Variants in PLEC observed in about 807,000 individuals in gnomAD.
The protein encoded by PLEC is plectin.
Under a neutral mutation model 392.8 loss-of-function variants are expected in PLEC, and 216 were observed. That is an observed-to-expected ratio of 0.55 (90% CI 0.49 to 0.62). The LOEUF is 0.62. Among genes scored for constraint, PLEC ranks in the 20% least tolerant of loss-of-function variants. The probability of loss-of-function intolerance (pLI) is 0.00; values close to 1 mark genes in which losing one functional copy is unlikely to be tolerated. For synonymous variants in PLEC, 3,621 were observed against 2,980.6 expected, an observed-to-expected ratio of 1.21 and a Z score of -7.00; for missense variants, 6,863 against 6,563.4, an observed-to-expected ratio of 1.05 and a Z score of -1.58.
At chr8:143,943,775 T>C, upstream of PLEC, 2 of 1,610,808 alleles carry the variant, frequency 1.2e-6, no homozygotes, top group Non-Finnish European at 1.7e-6. Flanking sequence ...CCAGCGGGGC[T>C]TACCTTGCTC....
In PLEC at chr8:143,916,390, G is replaced by A. The variant is rs1820559697; in HGVS notation, c.13431C>T (p.Pro4477=). 1 of 1,611,040 alleles carries A rather than the reference G, an allele frequency of 6.2e-7. No homozygotes were observed. The change falls in exon 32 of 32, where the codon CCC becomes CCT. Residue 4477 remains proline (P), a synonymous_variant. Transcript: ENST00000345136. ...TAGAGCCGGAGCCGCTGACGCTGTA[G>A]GGGCTGTAGTAGCCCTTGGTGGACT... ...AAQSTKGYYS[P]YSVSGSGSTA...
chr8:143,937,687 GC>G, intron 3 of PLEC: 1 of 488,644 alleles, frequency 2.0e-6, no homozygotes, highest in South Asian at 1.5e-5. Flanking sequence ...CCCCCAGAAA[GC>G]CGGGCTCCAC....
rs531396914 is a variant in PLEC at position 143,922,083 on chromosome 8, G to A, written c.7738C>T (p.Arg2580Trp). 3.9e-5 allele frequency: 62 copies of A among 1,574,090 alleles called. No homozygotes were observed. Among genetic ancestry groups the A allele is most frequent in the Non-Finnish European group, 4.7e-5 (55 of 1,167,706 alleles). The change falls in exon 32 of 32, where the codon CGG becomes TGG. Residue 2580 changes from arginine to tryptophan, a missense_variant. Arg to Trp is a moderately radical substitution (Grantham distance 101). Coordinates refer to ENST00000345136, the MANE Select transcript of PLEC (RefSeq NM_201384.3). ...QEELQQLEQQ[R>W]RQQEELLAEE... ...GCCAGCAGCTCCTCCTGCTGCCGCC[G>A]CTGCTGCTCCAGCTGCTGCAGCTCC...
upstream of PLEC, chr8:143,953,922 C>T: frequency 1.4e-6 from 2 of 1,443,424 alleles, no homozygotes; most frequent in Non-Finnish European, 1.8e-6. Flanking sequence ...CTGATCAATG[C>T]GCCGGACAGG....
At chr8:143,937,477 G>T (rs1054597364) in intron 3 of PLEC, among the ~76,000 whole-genome samples, 1 of 152,182 alleles carries the variant, frequency 6.6e-6, no homozygotes, top group Non-Finnish European at 1.5e-5. Flanking sequence ...GGAAGGAAGG[G>T]GTGGGAGGAG....
In PLEC at chr8:143,918,706, G is replaced by A. The variant is rs898215109; in HGVS notation, c.11115C>T (p.Ser3705=). 6.2e-7 allele frequency: 1 copy of A among 1,612,960 alleles called. No individual in the cohort carries two copies. Among genetic ancestry groups the A allele is most frequent in the Non-Finnish European group, 8.5e-7 (1 of 1,179,976 alleles). The part of the protein sequence containing the change: ...VYLPGSRQTL[S]IYQALKKGLL... ...GCCCTTTCTTGAGAGCCTGGTAGAT[G>A]CTCAGTGTCTGCCTGGAACCGGGCA... Residue 3705 remains serine (S), a synonymous_variant, in exon 32 of 32, where the codon AGC becomes AGT. Transcript: ENST00000345136.
At position 143,925,627 on chromosome 8, in the gene PLEC, C is replaced by G. The variant is rs1824836352; in HGVS notation, c.4302G>C (p.Gln1434His). ...CCGCCTCTGCCTGCCGGGCCTTGGC[C>G]TGGATCTCCGCCTCCGAGCTCTGCC... ...QLRQSSEAEIQAKARQAEAAE... is the reference protein window; with the variant it reads ...QLRQSSEAEIHAKARQAEAAE... The change falls in exon 31 of 32, where the codon CAG (glutamine) becomes CAC (histidine). Residue 1434 changes from glutamine to histidine, a missense_variant. Gln to His is a conservative substitution (Grantham distance 24, BLOSUM62 0). Transcript: ENST00000345136. 6.3e-7 allele frequency: 1 copy of G among 1,583,588 alleles called. No homozygotes were observed. The highest frequency in any genetic ancestry group is 1.7e-5 in the Admixed American group (1 of 58,256).
intron 30 of PLEC, among the ~76,000 whole-genome samples, chr8:143,926,482 G>A (rs992762678): frequency 5.3e-5 from 8 of 152,234 alleles, no homozygotes; most frequent in Admixed American, 2.0e-4. Context: ...AAAGGCCAAC[G>A]CAGAACGCCA....
At chr8:143,963,353 G>A (rs1832950289) in intron 1 of PLEC, among the ~76,000 whole-genome samples, 3 of 152,252 alleles carry the variant, frequency 2.0e-5, no homozygotes, top group Admixed American at 6.5e-5. Flanking sequence ...GGCTGGCAGA[G>A]GTGCAGGTGC....
Position 143,932,630 on chromosome 8 carries a change from C to T in PLEC, c.1815+5G>A. The T allele has an allele frequency of 6.2e-7, 1 of 1,611,236 alleles. No individual in the cohort carries two copies. Among genetic ancestry groups the T allele is most frequent in the Non-Finnish European group, 8.5e-7 (1 of 1,179,370 alleles). On this transcript the variant is annotated splice_donor_5th_base_variant and intron_variant, in intron 15 of 31. Transcript: ENST00000345136. ...CCTCCCCCGGCTGGCCCTGCCCCCA[C>T]TCACCAGCAGCTTGGCGTACTGCAG...
At position 143,918,884 on chromosome 8, in the gene PLEC, C is replaced by T. The variant is rs562181035; in HGVS notation, c.10937G>A (p.Arg3646His). ...GLASYDYVRR[R>H]LTAEDLFEAR... ...CTCGAACAGGTCCTCAGCCGTGAGG[C>T]GGCGGCGCACGTAGTCGTAGGAGGC... Residue 3646 changes from arginine (R) to histidine (H), a missense_variant, in exon 32 of 32, where the codon CGC becomes CAC. Coordinates refer to ENST00000345136, the MANE Select transcript of PLEC (RefSeq NM_201384.3). 35 of 1,612,262 alleles carry T rather than the reference C, an allele frequency of 2.2e-5. No homozygotes were observed. In the South Asian group the frequency reaches 2.9e-4, roughly 13 times the overall value.
At position 143,929,831 on chromosome 8, in the gene PLEC, T is replaced by TG; in HGVS notation, c.2740-3dup. 6.3e-7 allele frequency: 1 copy of TG among 1,599,448 alleles called. No homozygotes were observed. Among genetic ancestry groups the TG allele is most frequent in the Non-Finnish European group, 8.5e-7 (1 of 1,178,558 alleles). On this transcript the variant is annotated splice_region_variant and splice_polypyrimidine_tract_variant and intron_variant, in intron 22 of 31. Transcript: ENST00000345136. ...CTCCTCTGGCTTCAGGGTGCGGAAC[T>TG]GGGGGAAGCACGTGGGGCTGAGTGC...
rs62642470 is a variant in PLEC at position 143,925,285 on chromosome 8, C to A, written c.4644G>T (p.Ala1548=). The change falls in exon 31 of 32, where the codon GCG becomes GCT. Residue 1548 remains alanine, a synonymous_variant. Transcript: ENST00000345136. The part of the protein sequence containing the change: ...LEELRLQAEE[A]ERRLRQAEVE... ...CCTCGGCCTGCCGCAGGCGCCGCTCCGCCTCCTCCGCCTGCAGCCGCAGCT... is the reference window on the plus strand; with the variant it reads ...CCTCGGCCTGCCGCAGGCGCCGCTCAGCCTCCTCCGCCTGCAGCCGCAGCT... 1 of 1,576,356 alleles carries A rather than the reference C, an allele frequency of 6.3e-7. No homozygotes were observed. Among genetic ancestry groups the A allele is most frequent in the Non-Finnish European group, 8.5e-7 (1 of 1,169,826 alleles).
intron 1 of PLEC, chr8:143,946,223 C>G (rs1831448223): frequency 3.4e-6 from 2 of 593,334 alleles, no homozygotes; most frequent in Non-Finnish European, 5.2e-6. Context: ...CGAGAGGGGG[C>G]TGTGCCTATC....
At chr8:143,972,228 C>A (rs1408903151) in intron 1 of PLEC, among the ~76,000 whole-genome samples, 1 of 152,226 alleles carries the variant, frequency 6.6e-6, no homozygotes, top group Non-Finnish European at 1.5e-5. Context: ...CCCCAGCACC[C>A]CTCCGGGTGC....
intron 1 of PLEC, among the ~76,000 whole-genome samples, chr8:143,945,445 C>T (rs1554731695): frequency 1.3e-5 from 2 of 152,198 alleles, no homozygotes; most frequent in African/African-American, 4.8e-5. Context: ...GATCCCAATG[C>T]AGCCGGGGAA....
In PLEC at chr8:143,939,547, G is replaced by T; in HGVS notation, c.-86C>A. 1 of 1,539,886 alleles carries T rather than the reference G, an allele frequency of 6.5e-7. No individual in the cohort carries two copies. The highest frequency in any genetic ancestry group is 8.7e-7 in the Non-Finnish European group (1 of 1,144,948). On this transcript the variant is annotated 5_prime_UTR_variant, in exon 1 of 32. Coordinates refer to ENST00000345136, the MANE Select transcript of PLEC (RefSeq NM_201384.3). ...CCGTGTGGCACACAGGCAGCTGAAG[G>T]CTGGCGGCCCCACGAGACGCTCACT...
At chr8:143,939,255 CA>C in intron 1 of PLEC, 94 bp downstream of exon 1, 1 of 1,497,120 alleles carries the variant, frequency 6.7e-7, no homozygotes, top group East Asian at 2.5e-5. Context: ...ACCAGCCCCC[CA>C]GCGGTGCCAA....
In PLEC at chr8:143,925,144, G is replaced by T; in HGVS notation, c.4785C>A (p.Ser1595=). ...CCACAGCCACGTGTTCCTCCTGCAG[G>T]GAGCGCTCCAGCTGTGCCGTCTTCT... ...FAEKTAQLER[S]LQEEHVAVAQ... Residue 1595 remains serine (S), a synonymous_variant, in exon 31 of 32, where the codon TCC becomes TCA. Coordinates refer to ENST00000345136, the MANE Select transcript of PLEC (RefSeq NM_201384.3). The T allele has an allele frequency of 6.4e-7, 1 of 1,558,376 alleles. No homozygotes were observed. Among genetic ancestry groups the T allele is most frequent in the Non-Finnish European group, 8.6e-7 (1 of 1,160,150 alleles).
Sources: gnomAD v4.1 joint callset for allele counts (sites outside exome capture counted in the v4.1 genomes callset) on GRCh38, gnomAD v4.1.1 for gene constraint, MANE v1.5 for transcripts, NCBI Gene and HGNC (gene_info 2026-07-23, HGNC 2026-07-21) for gene names.